Variants in METTL4 observed in about 807,000 individuals in gnomAD.
The protein encoded by METTL4 is methyltransferase 4, N6-adenosine, also known as N(6)-adenine-specific methyltransferase METTL4.
Under a neutral mutation model 54.0 loss-of-function variants are expected in METTL4, and 40 were observed. The ratio of observed to expected loss-of-function variants is 0.74; its 90% CI spans 0.58 to 0.96. The LOEUF is 0.96. Ranked by LOEUF, METTL4 falls within the 50% of genes least tolerant of loss-of-function variation. The pLI is 0.00. For missense variants in METTL4, 525 were observed against 549.0 expected (o/e 0.96, Z 0.44); for synonymous variants, 169 against 183.8 (o/e 0.92, Z 0.65).
At chr18:2,543,686 A>C (rs2072027737) in intron 8 of METTL4, among the ~76,000 whole-genome samples, 1 of 152,182 alleles carries the variant, frequency 6.6e-6, no homozygotes, top group South Asian at 2.1e-4. Flanking sequence ...ACATTATACT[A>C]AAGCATTAAG....
rs1418936136 is a variant in METTL4 at position 2,567,281 on chromosome 18, G to T, written c.-65C>A. The T allele has an allele frequency of 1.4e-6, 2 of 1,420,648 alleles. No homozygotes were observed. The highest frequency in any genetic ancestry group is 4.6e-5 in the East Asian group (2 of 43,560). The allele number at this position is 1,420,648 out of a possible 1,614,324, so 88.0% of individuals were successfully genotyped here. Reference sequence around the variant, plus strand: ...AATGAAAATCCAACTTTCCAGATCAGCTTCTTAAATATCTTGTATTTCAAT... The same window carrying T: ...AATGAAAATCCAACTTTCCAGATCATCTTCTTAAATATCTTGTATTTCAAT... On this transcript the variant is annotated 5_prime_UTR_variant, in exon 2 of 9. In the 5' UTR this introduces an upstream ATG that the reference lacks. Coordinates refer to ENST00000574538, the MANE Select transcript of METTL4 (RefSeq NM_022840.5).
Position 2,547,409 on chromosome 18 carries a change from T to C in METTL4, c.1020A>G (p.Glu340=), listed in dbSNP as rs1033427001. Reference sequence around the variant, plus strand: ...CCACAGACCAAGAGGGATAAAGTTCTTCCTTTATAAAACGTAGGTGCTTCT... The same window carrying C: ...CCACAGACCAAGAGGGATAAAGTTCCTCCTTTATAAAACGTAGGTGCTTCT... The part of the protein sequence containing the change: ...NRQKHLRFIK[E]ELYPSWSVEV... The change falls in exon 6 of 9, where the codon GAA becomes GAG. Residue 340 remains glutamate, a synonymous_variant. Transcript: ENST00000574538. 1 of 1,611,390 alleles carries C rather than the reference T, an allele frequency of 6.2e-7. No homozygotes were observed.
chr18:2,550,099 C>G (rs1425217520), intron 5 of METTL4, among the ~76,000 whole-genome samples: 1 of 152,170 alleles, frequency 6.6e-6, no homozygotes, highest in Non-Finnish European at 1.5e-5. Flanking sequence ...TTCCCGCAGA[C>G]TAGTATTTCT....
chr18:2,563,751 C>T, intron 3 of METTL4, 46 bp downstream of exon 3: 1 of 1,372,654 alleles, frequency 7.3e-7, no homozygotes, highest in Non-Finnish European at 1.0e-6. Context: ...TTTTCTACTA[C>T]TTCACATTAA....
intron 8 of METTL4, among the ~76,000 whole-genome samples, chr18:2,539,482 ATT>A (rs68032364): frequency 9.9e-6 from 1 of 101,500 alleles, no homozygotes; most frequent in Non-Finnish European, 2.3e-5. Flanking sequence ...TATTTATTTA[ATT>A]TTTTTTTTTT....
intron 2 of METTL4, among the ~76,000 whole-genome samples, chr18:2,564,092 C>T (rs1307716468): frequency 6.6e-6 from 1 of 152,036 alleles, no homozygotes; most frequent in Non-Finnish European, 1.5e-5. Flanking sequence ...GTCACCTCAG[C>T]TTTATCTGCT....
At position 2,564,045 on chromosome 18, in the gene METTL4, T is replaced by C. The variant is rs2677863; in HGVS notation, c.397-186A>G. Among the ~76,000 whole-genome samples the C allele has an allele frequency of 0.24, 36,305 of 151,994 alleles. 4,715 individuals carry two copies. The highest frequency in any genetic ancestry group is 0.34 in the African/African-American group (13,919 of 41,460). ...AGGAGGTAAGCTTTCCCAAAGTAAA[T>C]TAAAAACAACAACATAAACAAAATG... On this transcript the variant is annotated intron_variant, in intron 2 of 8. Coordinates refer to ENST00000574538, the MANE Select transcript of METTL4 (RefSeq NM_022840.5).
In METTL4 at chr18:2,566,952, GA is replaced by G; in HGVS notation, c.264del (p.Arg89AspfsTer12). On this transcript the variant is annotated frameshift_variant, in exon 2 of 9. Transcript: ENST00000574538. LOFTEE classifies it high-confidence loss of function. ...NYEMFTRKFVFRPELFDVTKP... is the reference protein window; with the variant it reads ...NYEMFTRKFVXRPELFDVTKP... ...TTGGTGACATCAAACAGTTCAGGTC[GA>G]AAAACAAATTTTCGTGTGAACATTT... 1 of 1,614,028 alleles carries G rather than the reference GA, an allele frequency of 6.2e-7. No homozygotes were observed. Among genetic ancestry groups the G allele is most frequent in the South Asian group, 1.1e-5 (1 of 91,046 alleles).
chr18:2,556,564 T>C (rs2072242034), intron 3 of METTL4, among the ~76,000 whole-genome samples: 1 of 152,112 alleles, frequency 6.6e-6, no homozygotes. Context: ...AACATAGGAA[T>C]GATACAGATG....
At chr18:2,555,140 AAC>A in intron 3 of METTL4, 102 bp from the exon 4 acceptor site, 1 of 1,154,796 alleles carries the variant, frequency 8.7e-7, no homozygotes, top group Non-Finnish European at 1.3e-6. Context: ...CAATATCCTT[AAC>A]ACTTACAGTA....
chr18:2,540,110 T>C (rs2071972651), intron 8 of METTL4: 1 of 981,576 alleles, frequency 1.0e-6, no homozygotes, highest in Non-Finnish European at 1.2e-6. Context: ...CTACTGAACA[T>C]TGTATTTTGT....
intron 4 of METTL4, chr18:2,553,835 T>C (rs1256173984): frequency 1.3e-5 from 2 of 152,160 alleles, no homozygotes; most frequent in African/African-American, 4.8e-5. Context: ...AGAAAAAATG[T>C]GCATGCATAG....
At chr18:2,547,239 A>T in intron 6 of METTL4, 116 bp downstream of exon 6, 1 of 750,388 alleles carries the variant, frequency 1.3e-6, no homozygotes, top group Non-Finnish European at 1.9e-6. Context: ...CAAAAGTCTG[A>T]ATTAGCCCAT....
chr18:2,546,075 C>T (rs904840566), intron 6 of METTL4, among the ~76,000 whole-genome samples: 2 of 152,054 alleles, frequency 1.3e-5, no homozygotes, highest in Non-Finnish European at 2.9e-5. Context: ...ACTCCTATCA[C>T]GGTCCTATAC....
chr18:2,570,620 T>C (rs927471792), intron 1 of METTL4, among the ~76,000 whole-genome samples: 2 of 152,162 alleles, frequency 1.3e-5, no homozygotes, highest in Admixed American at 6.5e-5. Flanking sequence ...ATTTTTATAT[T>C]AATATAATCC....
At chr18:2,544,583 G>T in intron 7 of METTL4, 70 bp downstream of exon 7, 2 of 1,011,104 alleles carry the variant, frequency 2.0e-6, no homozygotes, top group Non-Finnish European at 3.0e-6. Context: ...AAAAGTCAAT[G>T]ATTACTAATC....
At chr18:2,542,513 T>A (rs2072008033) in intron 8 of METTL4, among the ~76,000 whole-genome samples, 1 of 152,154 alleles carries the variant, frequency 6.6e-6, no homozygotes, top group South Asian at 2.1e-4. Flanking sequence ...ATGAAAAGTT[T>A]ATGGTCTTAG....
intron 2 of METTL4, among the ~76,000 whole-genome samples, chr18:2,566,076 A>T (rs1395228202): frequency 6.7e-6 from 1 of 149,600 alleles, no homozygotes; most frequent in Admixed American, 6.6e-5. Context: ...TAAATAAATA[A>T]ATAAATAAAT....
intron 3 of METTL4, among the ~76,000 whole-genome samples, chr18:2,555,971 T>A (rs1185561784): frequency 6.6e-6 from 1 of 152,062 alleles, no homozygotes; most frequent in African/African-American, 2.4e-5. Flanking sequence ...GGAAGACACA[T>A]GCAGAGTCCA....
Sources: gnomAD v4.1 joint callset for allele counts (sites outside exome capture counted in the v4.1 genomes callset) on GRCh38, gnomAD v4.1.1 for gene constraint, MANE v1.5 for transcripts, NCBI Gene and HGNC (gene_info 2026-07-23, HGNC 2026-07-21) for gene names.